EIF4G2: variants seen among roughly 807,000 people sequenced by gnomAD.
EIF4G2 encodes the protein DAP-5.
EIF4G2 carries 8 observed loss-of-function variants against 117.7 expected under a neutral mutation model. That is an observed-to-expected ratio of 0.07 (90% CI 0.04 to 0.12). EIF4G2 has a LOEUF of 0.12. Ranked by LOEUF, EIF4G2 falls within the 10% of genes least tolerant of loss-of-function variation. The pLI, the probability that EIF4G2 is intolerant of heterozygous loss-of-function variation, is 1.00. For synonymous variants in EIF4G2, 413 were observed against 367.8 expected, an observed-to-expected ratio of 1.12 and a Z score of -1.41; for missense variants, 812 against 1,086.2, an observed-to-expected ratio of 0.75 and a Z score of 3.55.
At chr11:10,806,315 T>G (rs1032552524) in intron 3 of EIF4G2, 1 of 492,906 alleles carries the variant, frequency 2.0e-6, no homozygotes, top group Non-Finnish European at 3.6e-6. Flanking sequence ...ATATTCCCAG[T>G]ATCAACGCTG....
Position 10,804,340 on chromosome 11 carries a change from G to A in EIF4G2, c.430C>T (p.Pro144Ser). 4 of 1,614,162 alleles carry A rather than the reference G, an allele frequency of 2.5e-6. No homozygotes were observed. Among genetic ancestry groups the A allele is most frequent in the Non-Finnish European group, 3.4e-6 (4 of 1,180,026 alleles). ...TCTGCTGCTGGGCCATCAAAGTTTGGTGCATCTTCTGCCAATCGCAGACAT... is the reference window on the plus strand; with the variant it reads ...TCTGCTGCTGGGCCATCAAAGTTTGATGCATCTTCTGCCAATCGCAGACAT... The change falls in exon 6 of 22, where the codon CCA becomes TCA. Residue 144 changes from proline (P) to serine (S), a missense_variant. Physicochemically the swap from Pro to Ser is moderately conservative, Grantham distance 74 (BLOSUM62 -1). Around this residue, in one of 4 missense-constraint regions of EIF4G2, gnomAD observed 154 missense variants for 322.1 expected, o/e 0.48. Transcript: ENST00000339995.
chr11:10,807,324 A>G lies in EIF4G2; in HGVS notation c.-29T>C, dbSNP rs199926173. 3.1e-6 allele frequency: 5 copies of G among 1,613,864 alleles called. No homozygotes were observed. Among genetic ancestry groups the G allele is most frequent in the Admixed American group, 1.7e-5 (1 of 59,970 alleles). On this transcript the variant is annotated 5_prime_UTR_variant, in exon 2 of 22. Coordinates refer to ENST00000339995, the MANE Select transcript of EIF4G2 (RefSeq NM_001418.4). ...GGCGGCTTGACAACGAAGAATCTTCAAAAGAATAATATTAATAGATGGGGT... is the reference window on the plus strand; with the variant it reads ...GGCGGCTTGACAACGAAGAATCTTCGAAAGAATAATATTAATAGATGGGGT...
At position 10,800,219 on chromosome 11, in the gene EIF4G2, G is replaced by T; in HGVS notation, c.1990C>A (p.Pro664Thr). 6.2e-7 allele frequency: 1 copy of T among 1,614,146 alleles called. No individual in the cohort carries two copies. The change falls in exon 18 of 22, where the codon CCA (proline) becomes ACA (threonine). Residue 664 changes from proline (P) to threonine (T), a missense_variant. Pro to Thr is a conservative substitution (Grantham distance 38). Transcript: ENST00000339995. ...GGAAAATGGGTGCCACTTTCTAGTGGTTGAGCTAGTTCTGAAATGCTCACC... is the reference window on the plus strand; with the variant it reads ...GGAAAATGGGTGCCACTTTCTAGTGTTTGAGCTAGTTCTGAAATGCTCACC...
chr11:10,807,527 C>T (rs1802557708), intron 1 of EIF4G2, 146 bp from the exon 2 acceptor site: 13 of 1,300,022 alleles, frequency 1.0e-5, no homozygotes, highest in Non-Finnish European at 1.3e-5. Context: ...AAAACACTGA[C>T]AATTACATTT....
chr11:10,804,323 T>C lies in EIF4G2; in HGVS notation c.447A>G (p.Pro149=). 6.2e-7 allele frequency: 1 copy of C among 1,614,206 alleles called. No individual in the cohort carries two copies. The change falls in exon 6 of 22, where the codon CCA becomes CCG. Residue 149 remains proline (P), a synonymous_variant. Transcript: ENST00000339995. ...TCTGTCCTGGTTGACCCTCTGCTGC[T>C]GGGCCATCAAAGTTTGGTGCATCTT...
At position 10,801,312 on chromosome 11, in the gene EIF4G2, G is replaced by T. The variant is rs959245175; in HGVS notation, c.1414-225C>A. The T allele has an allele frequency of 3.6e-5, 23 of 638,798 alleles. No individual in the cohort carries two copies. In the Admixed American group the frequency reaches 5.1e-4, roughly 14 times the overall value. 39.6% of individuals were successfully genotyped at this position (638,798 alleles called of 1,614,324 possible). A position where few individuals can be genotyped will look rare whatever the true frequency, so the allele number is the denominator to read the frequency against. On this transcript the variant is annotated intron_variant, in intron 14 of 21. Coordinates refer to ENST00000339995, the MANE Select transcript of EIF4G2 (RefSeq NM_001418.4). ...CTATTATAAATCTTACATTCTCTTA[G>T]AATTAGCATGACTAAAATATTCAAA...
At chr11:10,807,979 G>C in intron 1 of EIF4G2, 1 of 1,031,640 alleles carries the variant, frequency 9.7e-7, no homozygotes, top group Non-Finnish European at 1.2e-6. Context: ...CTCCCACCCA[G>C]GCGCAAGTTA....
intron 19 of EIF4G2, 30 bp downstream of exon 19, chr11:10,799,522 T>C (rs1202263190): frequency 6.2e-7 from 1 of 1,610,434 alleles, no homozygotes; most frequent in Admixed American, 1.7e-5. Flanking sequence ...ACATGAAACA[T>C]TACCATATGC....
At chr11:10,807,409 G>C in intron 1 of EIF4G2, 28 bp from the exon 2 acceptor site, 1 of 1,580,696 alleles carries the variant, frequency 6.3e-7, no homozygotes. Flanking sequence ...ACCAAAATTA[G>C]ACACTGCTAA....
At position 10,800,004 on chromosome 11, in the gene EIF4G2, C is replaced by G; in HGVS notation, c.2119+86G>C. On this transcript the variant is annotated intron_variant, in intron 18 of 21. Transcript: ENST00000339995. ...TATCTGAGCAGGACAATCAGACTGT[C>G]TGACCTACATAAATCCACTCAAGGT... The G allele has an allele frequency of 2.1e-6, 3 of 1,448,046 alleles. No individual in the cohort carries two copies. The South Asian group carries it at 3.9e-5, about 19-fold the overall frequency. The allele number at this position is 1,448,046 out of a possible 1,614,324, so 89.7% of individuals were successfully genotyped here.
Position 10,801,071 on chromosome 11 carries a change from G to A in EIF4G2, c.1430C>T (p.Ala477Val). The A allele has an allele frequency of 6.2e-7, 1 of 1,614,090 alleles. No individual in the cohort carries two copies. The highest frequency in any genetic ancestry group is 8.5e-7 in the Non-Finnish European group (1 of 1,179,996). ...ATTTTTATTCATTAGGAACGACTGA[G>A]CAGGCCTCAGGCTAATCTGGAATTG... Residue 477 changes from alanine (A) to valine (V), a missense_variant, in exon 15 of 22, where the codon GCT (alanine) becomes GTT (valine). Physicochemically the swap from Ala to Val is moderately conservative, Grantham distance 64. Around this residue, in one of 4 missense-constraint regions of EIF4G2, gnomAD observed 571 missense variants for 642.3 expected, o/e 0.89. Transcript: ENST00000339995.
Position 10,801,666 on chromosome 11 carries a change from C to G in EIF4G2, c.1408G>C (p.Asp470His). 6.2e-7 allele frequency: 1 copy of G among 1,612,090 alleles called. No individual in the cohort carries two copies. Among genetic ancestry groups the G allele is most frequent in the Non-Finnish European group, 8.5e-7 (1 of 1,178,148 alleles). Residue 470 changes from aspartate to histidine, a missense_variant, in exon 14 of 22, where the codon GAT becomes CAT. Around this residue, in one of 4 missense-constraint regions of EIF4G2, gnomAD observed 571 missense variants for 642.3 expected, o/e 0.89. Coordinates refer to ENST00000339995, the MANE Select transcript of EIF4G2 (RefSeq NM_001418.4). ...AGTAACATAGGCAAATGTACCTCATCTGCATTAAGCTGTCCTTTCTTAGAA... is the reference window on the plus strand; with the variant it reads ...AGTAACATAGGCAAATGTACCTCATGTGCATTAAGCTGTCCTTTCTTAGAA...
intron 18 of EIF4G2, 138 bp downstream of exon 18, chr11:10,799,952 G>T: frequency 8.6e-7 from 1 of 1,160,008 alleles, no homozygotes; most frequent in Non-Finnish European, 1.2e-6. Context: ...TCTCTTTATA[G>T]GTGAGATCTG....
At chr11:10,807,621 C>A in intron 1 of EIF4G2, 4 of 1,107,232 alleles carry the variant, frequency 3.6e-6, no homozygotes, top group South Asian at 3.6e-5. Flanking sequence ...CGGCTCAGAA[C>A]GAATCTTTTG....
intron 1 of EIF4G2, chr11:10,808,159 C>A (rs1409183431): frequency 1.8e-5 from 20 of 1,111,512 alleles, no homozygotes; most frequent in Non-Finnish European, 2.1e-5. Flanking sequence ...CATAAATCCC[C>A]CCGGGACTGA....
chr11:10,804,790 A>T, intron 5 of EIF4G2, 123 bp downstream of exon 5: 1 of 759,600 alleles, frequency 1.3e-6, no homozygotes, highest in South Asian at 1.8e-5. Flanking sequence ...GTATTCAAAA[A>T]TACATACCTA....
intron 11 of EIF4G2, among the ~76,000 whole-genome samples, chr11:10,802,712 A>G (rs1225896342): frequency 1.3e-5 from 2 of 152,066 alleles, no homozygotes; most frequent in Non-Finnish European, 2.9e-5. Context: ...CTAAAAATAC[A>G]AAAAATTAGC....
rs2135414592 is a variant in EIF4G2, at chr11:10,803,187, C to G, written c.897+24G>C. Reference sequence around the variant, plus strand: ...CTAAACCAAAAACTCAGCTTACCAACAAATTTAAAGAAACCAGTATTACCT... The same window carrying G: ...CTAAACCAAAAACTCAGCTTACCAAGAAATTTAAAGAAACCAGTATTACCT... On this transcript the variant is annotated intron_variant, in intron 10 of 21. Transcript: ENST00000339995. The surrounding 1 kb of genome is among the most constrained non-coding windows in gnomAD (Gnocchi z 4.0). 1 of 1,608,100 alleles carries G rather than the reference C, an allele frequency of 6.2e-7. No individual in the cohort carries two copies. The highest frequency in any genetic ancestry group is 2.2e-5 in the East Asian group (1 of 44,844).
rs1847384551 is a variant in EIF4G2 at position 10,800,418 on chromosome 11, G to GT, written c.1860+13dup. 6.2e-7 allele frequency: 1 copy of GT among 1,613,834 alleles called. No homozygotes were observed. The highest frequency in any genetic ancestry group is 8.5e-7 in the Non-Finnish European group (1 of 1,179,854). ...GGTAAGAGTTCTTACCACACAATCA[G>GT]TAAAGTGTCCTACCTGCATGAAGTT... On this transcript the variant is annotated intron_variant, in intron 17 of 21. Coordinates refer to ENST00000339995, the MANE Select transcript of EIF4G2 (RefSeq NM_001418.4).
Sources: allele counts gnomAD v4.1 joint callset (sites outside exome capture counted in the v4.1 genomes callset), GRCh38; gene constraint gnomAD v4.1.1; regional missense constraint gnomAD v4.1.1; non-coding constraint Gnocchi (gnomAD v3.1); transcripts MANE v1.5; gene names NCBI Gene and HGNC (gene_info 2026-07-23, HGNC 2026-07-21).